The following ARL15 variants were observed in gnomAD, a reference collection of about 807,000 sequenced individuals.
ARL15 encodes the protein ARF like GTPase 15, also known as ADP-ribosylation factor-like protein 15.
ARL15 carries 19 observed loss-of-function variants against 25.2 expected under a neutral mutation model. The observed-to-expected ratio is 0.75, with a 90% CI of 0.53 to 1.10. ARL15 has a LOEUF of 1.10. Ranked by LOEUF, ARL15 falls within the 50% of genes least tolerant of loss-of-function variation. The pLI, the probability that ARL15 is intolerant of heterozygous loss-of-function variation, is 0.00. For synonymous variants in ARL15, 94 were observed against 86.8 expected (o/e 1.08, Z -0.46); for missense variants, 220 against 246.0 (o/e 0.89, Z 0.71).
In ARL15 at chr5:53,896,557, G is replaced by A. The variant is rs186265233; in HGVS notation, c.463-9844C>T. On this transcript the variant is annotated intron_variant, in intron 4 of 4. Coordinates refer to ENST00000504924, the MANE Select transcript of ARL15 (RefSeq NM_019087.3). ...CGCCCAGGCTGTATTGCCATGGCATGATCTCGGCTCACTGCAAGCTCCACC... is the reference window on the plus strand; with the variant it reads ...CGCCCAGGCTGTATTGCCATGGCATAATCTCGGCTCACTGCAAGCTCCACC... 3.2e-4 allele frequency among the ~76,000 whole-genome samples: 48 copies of A among 152,020 alleles called. 1 individual carries two copies. The highest frequency in any genetic ancestry group is 1.4e-3 in the Admixed American group (21 of 15,278).
chr5:53,992,487 C>T (rs1420310845), intron 4 of ARL15, among the ~76,000 whole-genome samples: 1 of 152,176 alleles, frequency 6.6e-6, no homozygotes, highest in Non-Finnish European at 1.5e-5. Flanking sequence ...AAAGGCAATA[C>T]TTTTATGGCA....
intron 4 of ARL15, among the ~76,000 whole-genome samples, chr5:53,964,259 C>G (rs988388711): frequency 1.3e-5 from 2 of 152,176 alleles, no homozygotes; most frequent in Non-Finnish European, 1.5e-5. Flanking sequence ...ACTGTAAAGT[C>G]ATTTCACTTT....
At chr5:54,029,635 G>A (rs374358394) in intron 4 of ARL15, among the ~76,000 whole-genome samples, 1 of 152,080 alleles carries the variant, frequency 6.6e-6, no homozygotes, top group Non-Finnish European at 1.5e-5. Flanking sequence ...AAGGTTGCAG[G>A]ATCTCTTGAG....
chr5:54,231,448 C>T (rs531019004), intron 1 of ARL15, among the ~76,000 whole-genome samples: 1 of 152,274 alleles, frequency 6.6e-6, no homozygotes, highest in Admixed American at 6.5e-5. Flanking sequence ...TCACACTTCA[C>T]CTTGAATAAT....
intron 4 of ARL15, among the ~76,000 whole-genome samples, chr5:53,995,830 T>G (rs1249616985): frequency 7.1e-6 from 1 of 139,976 alleles, no homozygotes; most frequent in Non-Finnish European, 1.6e-5. Context: ...TTCCCCAAAG[T>G]CCCCTAGGCA....
At chr5:54,274,141 C>T (rs1329422071) in intron 1 of ARL15, among the ~76,000 whole-genome samples, 9 of 152,128 alleles carry the variant, frequency 5.9e-5, no homozygotes, top group South Asian at 2.1e-4. Context: ...GGCAGCTGAA[C>T]GGGCTGTGGT....
intron 4 of ARL15, among the ~76,000 whole-genome samples, chr5:53,982,267 T>C (rs1008986247): frequency 6.6e-6 from 1 of 151,820 alleles, no homozygotes; most frequent in Non-Finnish European, 1.5e-5. Context: ...ACATGTGTCA[T>C]GGTGGTTTGC....
intron 4 of ARL15, among the ~76,000 whole-genome samples, chr5:54,036,585 GAA>G (rs140910390): frequency 1.4e-5 from 2 of 148,024 alleles, no homozygotes; most frequent in Non-Finnish European, 3.0e-5. Context: ...TCACTTGGGG[GAA>G]AAAAAAAACT....
At chr5:54,286,526 T>G (rs1055612604) in intron 1 of ARL15, among the ~76,000 whole-genome samples, 1 of 152,200 alleles carries the variant, frequency 6.6e-6, no homozygotes, top group African/African-American at 2.4e-5. Flanking sequence ...AACCTGAGAT[T>G]TGAAAAGTCA....
intron 1 of ARL15, among the ~76,000 whole-genome samples, chr5:54,177,308 A>G (rs1209257775): frequency 1.3e-5 from 2 of 152,226 alleles, no homozygotes; most frequent in Non-Finnish European, 2.9e-5. Context: ...ATAACTGACT[A>G]TATCGTAGAC....
chr5:54,106,916 T>C lies in ARL15; in HGVS notation c.462+6286A>G, dbSNP rs192242495. 2.8e-3 allele frequency among the ~76,000 whole-genome samples: 429 copies of C among 152,290 alleles called. 1 individual carries two copies. Among genetic ancestry groups the C allele is most frequent in the Non-Finnish European group, 4.7e-3 (318 of 68,014 alleles). The stretch of plus-strand genomic sequence containing the variant: ...GAAATCAGATGAGAGAGCCCAACTT[T>C]GGCATGGGCATTCAAGACTACTTCC... On this transcript the variant is annotated intron_variant, in intron 4 of 4. Coordinates refer to ENST00000504924, the MANE Select transcript of ARL15 (RefSeq NM_019087.3).
chr5:54,212,717 T>C (rs969849191), intron 1 of ARL15, among the ~76,000 whole-genome samples: 1 of 152,222 alleles, frequency 6.6e-6, no homozygotes, highest in East Asian at 1.9e-4. Flanking sequence ...TATGCTTTCT[T>C]AGCTGTGAAC....
At chr5:53,950,881 C>T (rs1722782265) in intron 4 of ARL15, among the ~76,000 whole-genome samples, 1 of 152,216 alleles carries the variant, frequency 6.6e-6, no homozygotes, top group Admixed American at 6.5e-5. Flanking sequence ...CCGAGACAGA[C>T]GGGAACACTG....
chr5:53,989,307 T>C (rs532742307), intron 4 of ARL15, among the ~76,000 whole-genome samples: 18 of 152,352 alleles, frequency 1.2e-4, no homozygotes, highest in African/African-American at 3.8e-4. Flanking sequence ...TGTTATTCTA[T>C]GATCGTGTGT....
chr5:54,134,834 C>A (rs1002163150), intron 3 of ARL15, among the ~76,000 whole-genome samples: 3 of 151,952 alleles, frequency 2.0e-5, no homozygotes, highest in African/African-American at 7.2e-5. Flanking sequence ...CTGCCCACCT[C>A]GGCCTCCCAA....
At chr5:54,063,471 A>G (rs1414620428) in intron 4 of ARL15, among the ~76,000 whole-genome samples, 10 of 152,216 alleles carry the variant, frequency 6.6e-5, no homozygotes, top group Non-Finnish European at 8.8e-5. Flanking sequence ...TGATATAGTA[A>G]GATGAGCAGT....
chr5:54,100,858 A>G (rs1752414409), intron 4 of ARL15, among the ~76,000 whole-genome samples: 1 of 152,094 alleles, frequency 6.6e-6, no homozygotes, highest in Non-Finnish European at 1.5e-5. Context: ...TGTAAATTAG[A>G]GCTGAACAGG....
chr5:54,159,381 C>T (rs1367409160), intron 2 of ARL15, among the ~76,000 whole-genome samples: 1 of 152,148 alleles, frequency 6.6e-6, no homozygotes, highest in African/African-American at 2.4e-5. Context: ...AGTGTGCTAA[C>T]GTGACAAGGG....
chr5:54,186,863 A>G (rs1755254123), intron 1 of ARL15, among the ~76,000 whole-genome samples: 1 of 143,314 alleles, frequency 7.0e-6, no homozygotes, highest in Non-Finnish European at 1.5e-5. Flanking sequence ...AAGTCTCAGT[A>G]GCATCGACTT....
Sources: allele counts gnomAD v4.1 joint callset (sites outside exome capture counted in the v4.1 genomes callset), GRCh38; gene constraint gnomAD v4.1.1; transcripts MANE v1.5; gene names NCBI Gene and HGNC (gene_info 2026-07-23, HGNC 2026-07-21).